Variants in USP3 observed in about 807,000 individuals in gnomAD.
The protein encoded by USP3 is ubiquitin carboxyl-terminal hydrolase 3.
A neutral mutation model predicts 72.3 loss-of-function variants in USP3; 20 were observed. That is an observed-to-expected ratio of 0.28 (90% CI 0.19 to 0.40). The LOEUF (loss-of-function observed/expected upper bound fraction) is 0.40. USP3 is among the 10% of genes least tolerant of loss of function. The probability of loss-of-function intolerance (pLI) is 1.00; values close to 1 mark genes in which losing one functional copy is unlikely to be tolerated. For missense variants in USP3, 479 were observed against 633.9 expected, an observed-to-expected ratio of 0.76 and a Z score of 2.62; for synonymous variants, 222 against 225.3, an observed-to-expected ratio of 0.99 and a Z score of 0.13.
chr15:63,507,901 C>G (rs1158122115), intron 1 of USP3, among the ~76,000 whole-genome samples: 1 of 49,954 alleles, frequency 2.0e-5, no homozygotes, highest in African/African-American at 9.3e-5. Flanking sequence ...AATAATAGAC[C>G]CACACCCATA....
At chr15:63,560,896 C>T (rs1314462851) in intron 7 of USP3, among the ~76,000 whole-genome samples, 1 of 152,226 alleles carries the variant, frequency 6.6e-6, no homozygotes, top group Non-Finnish European at 1.5e-5. Flanking sequence ...GCCTCCTCCA[C>T]TTCCACACAC....
intron 3 of USP3, among the ~76,000 whole-genome samples, chr15:63,539,028 T>C (rs1384705493): frequency 1.3e-5 from 2 of 152,154 alleles, no homozygotes; most frequent in East Asian, 1.9e-4. Flanking sequence ...TTTATTGTTA[T>C]TTGCTGTTGT....
At position 63,553,035 on chromosome 15, in the gene USP3, C is replaced by T. The variant is rs925320803; in HGVS notation, c.285-680C>T. On this transcript the variant is annotated intron_variant, in intron 3 of 14. Transcript: ENST00000380324. The surrounding 1 kb of genome is among the most constrained non-coding windows in gnomAD (Gnocchi z 4.2). ...TATGTGTGATTTCTTACATTATTTG[C>T]TTTTTGACTTATAAAACACACAGAG... Among the ~76,000 whole-genome samples, 1 of 152,122 alleles carries T rather than the reference C, an allele frequency of 6.6e-6. No individual in the cohort carries two copies. The highest frequency in any genetic ancestry group is 2.4e-5 in the African/African-American group (1 of 41,426).
At position 63,553,599 on chromosome 15, in the gene USP3, C is replaced by T. The variant is rs1400659901; in HGVS notation, c.285-116C>T. On this transcript the variant is annotated intron_variant, in intron 3 of 14. Transcript: ENST00000380324. This position sits in a 1 kb window ranked among gnomAD's most constrained non-coding sequence, Gnocchi z 4.2. ...AGGTCCTCTTTAAACTTACCACCAGCAGTAACTGCCTGCAGAGCCATGTGA... is the reference window on the plus strand; with the variant it reads ...AGGTCCTCTTTAAACTTACCACCAGTAGTAACTGCCTGCAGAGCCATGTGA... 16 of 779,064 alleles carry T rather than the reference C, an allele frequency of 2.1e-5. No individual in the cohort carries two copies. The highest frequency in any genetic ancestry group is 3.0e-5 in the Non-Finnish European group (16 of 533,776). The allele number at this position is 779,064 out of a possible 1,614,324, so 48.3% of individuals were successfully genotyped here. A position where few individuals can be genotyped will look rare whatever the true frequency, so the allele number is the denominator to read the frequency against.
At chr15:63,523,137 T>C (rs2065940293) in intron 1 of USP3, among the ~76,000 whole-genome samples, 2 of 152,184 alleles carry the variant, frequency 1.3e-5, no homozygotes, top group South Asian at 4.1e-4. Context: ...CTTATTAAAA[T>C]TGAGTATTTG....
chr15:63,554,364 A>G (rs192627428), intron 4 of USP3, among the ~76,000 whole-genome samples: 1 of 152,236 alleles, frequency 6.6e-6, no homozygotes, highest in East Asian at 1.9e-4. Context: ...AAATGAAACT[A>G]TTTATATGTG....
chr15:63,562,810 T>A, intron 7 of USP3, 85 bp from the exon 8 acceptor site: 1 of 772,238 alleles, frequency 1.3e-6, no homozygotes, highest in Non-Finnish European at 2.1e-6. Context: ...ATTTCCTATA[T>A]ATTAGGCATT....
intron 11 of USP3, among the ~76,000 whole-genome samples, chr15:63,584,085 C>T (rs985694600): frequency 2.1e-5 from 3 of 144,472 alleles, no homozygotes; most frequent in Admixed American, 7.0e-5. Flanking sequence ...CAAGGTACAA[C>T]GGTTTTGTTT....
intron 6 of USP3, 139 bp downstream of exon 6, chr15:63,558,327 A>G: frequency 1.1e-6 from 1 of 915,460 alleles, no homozygotes; most frequent in Non-Finnish European, 1.7e-6. Context: ...TTGTTTCCTC[A>G]TCAGTAAAAT....
chr15:63,584,106 T>G (rs568021151), intron 11 of USP3, among the ~76,000 whole-genome samples: 12 of 145,868 alleles, frequency 8.2e-5, no homozygotes, highest in African/African-American at 1.8e-4. Context: ...TTTTTTTTTT[T>G]TTTTTTTTTG....
intron 3 of USP3, among the ~76,000 whole-genome samples, chr15:63,552,701 T>C (rs925456735): frequency 6.6e-6 from 1 of 152,176 alleles, no homozygotes; most frequent in Admixed American, 6.5e-5. Context: ...TGTGTAATCT[T>C]CTAAAATTAC....
At position 63,526,985 on chromosome 15, in the gene USP3, C is replaced by T. The variant is rs190428666; in HGVS notation, c.92-5662C>T. Among the ~76,000 whole-genome samples the T allele has an allele frequency of 2.2e-3, 338 of 152,288 alleles. 5 individuals are homozygous for T. Among genetic ancestry groups the T allele is most frequent in the Admixed American group, 0.02 (311 of 15,306 alleles). On this transcript the variant is annotated intron_variant, in intron 1 of 14. Coordinates refer to ENST00000380324, the MANE Select transcript of USP3 (RefSeq NM_006537.4). Reference sequence around the variant, plus strand: ...TCTCGACTCACTGCAGCCTTGACTTCCTGGGCTCACGGGATTCTCCCGCCT... The same window carrying T: ...TCTCGACTCACTGCAGCCTTGACTTTCTGGGCTCACGGGATTCTCCCGCCT...
intron 1 of USP3, 68 bp downstream of exon 1, chr15:63,504,898 G>C (rs1449179689): frequency 3.3e-6 from 4 of 1,229,102 alleles, no homozygotes; most frequent in South Asian, 3.0e-5. Flanking sequence ...CTGCCGTCTA[G>C]GGGCCGCAGG....
At position 63,537,078 on chromosome 15, in the gene USP3, C is replaced by T. The variant is rs1308985995; in HGVS notation, c.206C>T (p.Thr69Ile). ...TATGAAGATGCACAAGTACCTTTAACCAACCATAAGAAATCAGAAAAGCAA... is the reference window on the plus strand; with the variant it reads ...TATGAAGATGCACAAGTACCTTTAATCAACCATAAGAAATCAGAAAAGCAA... ...KHYEDAQVPL[T>I]NHKKSEKQDK... Residue 69 changes from threonine (T) to isoleucine (I), a missense_variant, in exon 3 of 15, where the codon ACC (threonine) becomes ATC (isoleucine). Coordinates refer to ENST00000380324, the MANE Select transcript of USP3 (RefSeq NM_006537.4). The T allele has an allele frequency of 7.4e-6, 12 of 1,613,848 alleles. No individual in the cohort carries two copies. Among genetic ancestry groups the T allele is most frequent in the African/African-American group, 2.7e-5 (2 of 74,910 alleles).
rs1367495409 is a variant in USP3 at position 63,588,520 on chromosome 15, T to C, written c.1215+97T>C. The C allele has an allele frequency of 9.6e-7, 1 of 1,042,190 alleles. No individual in the cohort carries two copies. The highest frequency in any genetic ancestry group is 1.6e-5 in the African/African-American group (1 of 62,352). 64.6% of individuals were successfully genotyped at this position (1,042,190 alleles called of 1,614,324 possible). On this transcript the variant is annotated intron_variant, in intron 12 of 14. Coordinates refer to ENST00000380324, the MANE Select transcript of USP3 (RefSeq NM_006537.4). The surrounding 1 kb of genome is among the most constrained non-coding windows in gnomAD (Gnocchi z 4.6). ...ACTTTACACTATGTGAACTGTTCTG[T>C]ATTTTTCTCTAGGATTTTCAGTAAA... is the stretch of plus-strand genomic sequence containing the variant.
At chr15:63,559,629 CTTTGTTT>C (rs2066571302) in intron 6 of USP3, among the ~76,000 whole-genome samples, 1 of 152,032 alleles carries the variant, frequency 6.6e-6, no homozygotes, top group Non-Finnish European at 1.5e-5. Flanking sequence ...GTTTTCAGCT[CTTTGTTT>C]TTTGTTTTTG....
chr15:63,529,496 T>TA lies in USP3; in HGVS notation c.92-3150dup, dbSNP rs1168679234. On this transcript the variant is annotated intron_variant, in intron 1 of 14. Coordinates refer to ENST00000380324, the MANE Select transcript of USP3 (RefSeq NM_006537.4). The surrounding 1 kb of genome is among the most constrained non-coding windows in gnomAD (Gnocchi z 4.2). ...CCCATTCTCTTGACCCCCTCAGTCT[T>TA]AGAGTTTTTTGGTTTTTTAAAATGT... 1.3e-5 allele frequency among the ~76,000 whole-genome samples: 2 copies of TA among 152,196 alleles called. No homozygotes were observed. The highest frequency in any genetic ancestry group is 2.4e-5 in the African/African-American group (1 of 41,458).
Position 63,544,863 on chromosome 15 carries a change from C to A in USP3, c.284+7707C>A. ...TAAGCAAGGCTGACATTGTGGGGAC[C>A]ATCAAATACTATACTTAGTTCAGTT... On this transcript the variant is annotated intron_variant, in intron 3 of 14. Transcript: ENST00000380324. This position sits in a 1 kb window ranked among gnomAD's most constrained non-coding sequence, Gnocchi z 4.2. 1.6e-6 allele frequency: 1 copy of A among 606,654 alleles called. No individual in the cohort carries two copies. Among genetic ancestry groups the A allele is most frequent in the Non-Finnish European group, 2.9e-6 (1 of 340,932 alleles). The allele number at this position is 606,654 out of a possible 1,614,324, so 37.6% of individuals were successfully genotyped here. A position where few individuals can be genotyped will look rare whatever the true frequency, so the allele number is the denominator to read the frequency against.
chr15:63,504,827 A>C lies in USP3; in HGVS notation c.88A>C (p.Ser30Arg), dbSNP rs1289179772. The C allele has an allele frequency of 6.2e-7, 1 of 1,606,040 alleles. No homozygotes were observed. The highest frequency in any genetic ancestry group is 8.5e-7 in the Non-Finnish European group (1 of 1,177,154). ...PNGSPSSWCC[S>R]VCRSNKSPWV... ...CGGCTCCCCGTCGTCCTGGTGCTGC[A>C]GCGGTGAGTGCGGCCACGGGCCGGC... The change falls in exon 1 of 15, where the codon AGC becomes CGC. Residue 30 changes from serine to arginine, a missense_variant. Transcript: ENST00000380324.
Sources: gnomAD v4.1 joint callset for allele counts (sites outside exome capture counted in the v4.1 genomes callset) on GRCh38, gnomAD v4.1.1 for gene constraint, Gnocchi (gnomAD v3.1) non-coding constraint, MANE v1.5 for transcripts, NCBI Gene and HGNC (gene_info 2026-07-23, HGNC 2026-07-21) for gene names.